SIPA1L1: variants seen among roughly 807,000 people sequenced by gnomAD.
SIPA1L1 encodes the protein signal induced proliferation associated 1 like 1, also known as signal-induced proliferation-associated 1-like protein 1.
SIPA1L1 carries 26 observed loss-of-function variants against 162.7 expected under a neutral mutation model. The observed-to-expected ratio is 0.16, with a 90% CI of 0.12 to 0.22. The LOEUF is 0.22. Among genes scored for constraint, SIPA1L1 ranks in the 10% least tolerant of loss-of-function variants. The probability of loss-of-function intolerance (pLI) is 1.00; values close to 1 mark genes in which losing one functional copy is unlikely to be tolerated. For missense variants in SIPA1L1, 1,874 were observed against 2,241.0 expected (o/e 0.84, Z 3.31); for synonymous variants, 829 against 837.4 (o/e 0.99, Z 0.17).
At chr14:71,544,834 C>T (rs1366299228) in intron 4 of SIPA1L1, among the ~76,000 whole-genome samples, 3 of 152,166 alleles carry the variant, frequency 2.0e-5, no homozygotes, top group African/African-American at 7.2e-5. Context: ...GTCTTGAATA[C>T]TGTAGCTTTA....
chr14:71,347,374 C>T lies in SIPA1L1; in HGVS notation c.-465+26193C>T, dbSNP rs80153533. Among the ~76,000 whole-genome samples, 760 of 152,168 alleles carry T rather than the reference C, an allele frequency of 5.0e-3. 5 individuals carry two copies. Among genetic ancestry groups the T allele is most frequent in the African/African-American group, 0.018 (737 of 41,500 alleles). ...GTCAAGTAATATTCTATTCTAATAA[C>T]ATTTTGTTTTTTTCTGTTCATCAGT... On this transcript the variant is annotated intron_variant, in intron 2 of 23. Transcript: ENST00000381232.
intron 7 of SIPA1L1, among the ~76,000 whole-genome samples, chr14:71,636,916 T>C (rs1343507274): frequency 6.6e-6 from 1 of 151,846 alleles, no homozygotes; most frequent in East Asian, 1.9e-4. Flanking sequence ...CCGGGCATGG[T>C]GGTGCATGCC....
chr14:71,554,021 G>T (rs763877165), intron 4 of SIPA1L1, among the ~76,000 whole-genome samples: 13 of 152,144 alleles, frequency 8.5e-5, no homozygotes, highest in Non-Finnish European at 1.8e-4. Context: ...CCTTTCAAAT[G>T]TAGCAAGAAT....
At chr14:71,738,362 T>G in intron 23 of SIPA1L1, 37 bp downstream of exon 23, 2 of 1,406,990 alleles carry the variant, frequency 1.4e-6, no homozygotes, top group Non-Finnish European at 2.0e-6. Flanking sequence ...GTCCAGTCTG[T>G]ACAAACTACC....
intron 5 of SIPA1L1, among the ~76,000 whole-genome samples, chr14:71,607,151 C>A (rs1360552465): frequency 1.3e-5 from 2 of 151,776 alleles, no homozygotes; most frequent in East Asian, 3.9e-4. Context: ...TGGAACAAAG[C>A]TTCTCCGAGT....
chr14:71,360,077 C>T (rs567760112), intron 2 of SIPA1L1, among the ~76,000 whole-genome samples: 11 of 152,074 alleles, frequency 7.2e-5, no homozygotes, highest in Non-Finnish European at 1.3e-4. Flanking sequence ...AACAGTGCTT[C>T]GGGGTCATCT....
chr14:71,672,109 G>A (rs1321246707), intron 11 of SIPA1L1, among the ~76,000 whole-genome samples: 1 of 152,130 alleles, frequency 6.6e-6, no homozygotes, highest in Admixed American at 6.5e-5. Context: ...GCTCCCTGTA[G>A]GTCTCTGGTA....
chr14:71,579,032 A>C (rs989138936), intron 4 of SIPA1L1, among the ~76,000 whole-genome samples: 1 of 152,228 alleles, frequency 6.6e-6, no homozygotes, highest in East Asian at 1.9e-4. Flanking sequence ...TAGCAGCAGG[A>C]TATGGCTATG....
intron 2 of SIPA1L1, among the ~76,000 whole-genome samples, chr14:71,417,469 C>CAAAAAAAAAAAAAAAAAAAAAAAAAAAAA (rs58628136): frequency 1.1e-4 from 2 of 17,768 alleles, no homozygotes; most frequent in Non-Finnish European, 1.0e-4. Flanking sequence ...GACTCCGTCT[C>CAAAAAAAAAAAAAAAAAAAAAAAAAAAAA]AAAAAAAAAA....
chr14:71,561,669 A>G (rs1596130101), intron 4 of SIPA1L1, among the ~76,000 whole-genome samples: 1 of 151,992 alleles, frequency 6.6e-6, no homozygotes, highest in African/African-American at 2.4e-5. Context: ...CTCACTGCAA[A>G]CTCCTCCTCC....
At chr14:71,327,485 A>G (rs1486449561) in intron 2 of SIPA1L1, among the ~76,000 whole-genome samples, 1 of 152,200 alleles carries the variant, frequency 6.6e-6, no homozygotes, top group African/African-American at 2.4e-5. Context: ...GTGGTATCCC[A>G]TGTCTTCAGG....
At chr14:71,371,530 G>A (rs920674646) in intron 2 of SIPA1L1, among the ~76,000 whole-genome samples, 2 of 151,982 alleles carry the variant, frequency 1.3e-5, no homozygotes, top group African/African-American at 4.8e-5. Flanking sequence ...TGGGACTACA[G>A]GCATGTATCA....
chr14:71,438,172 G>A (rs1214799059), intron 2 of SIPA1L1, among the ~76,000 whole-genome samples: 3 of 151,918 alleles, frequency 2.0e-5, no homozygotes, highest in Admixed American at 2.0e-4. Flanking sequence ...AACAAAACTC[G>A]TCACCATAGT....
intron 7 of SIPA1L1, among the ~76,000 whole-genome samples, chr14:71,647,790 T>C (rs961571920): frequency 2.0e-5 from 3 of 152,192 alleles, no homozygotes; most frequent in African/African-American, 7.2e-5. Context: ...ATGAAACCTT[T>C]ACCTGTGGGA....
chr14:71,499,380 A>G (rs1276762472), intron 2 of SIPA1L1, among the ~76,000 whole-genome samples: 1 of 152,070 alleles, frequency 6.6e-6, no homozygotes, highest in Non-Finnish European at 1.5e-5. Flanking sequence ...GAGAAAAGGA[A>G]ACTCTTCCTA....
chr14:71,522,689 C>T (rs1218922878), intron 3 of SIPA1L1, among the ~76,000 whole-genome samples: 1 of 151,268 alleles, frequency 6.6e-6, no homozygotes, highest in Admixed American at 6.6e-5. Context: ...TTCTTAATTT[C>T]TCTCTCTCTT....
chr14:71,344,582 T>G (rs2035968979), intron 2 of SIPA1L1, among the ~76,000 whole-genome samples: 1 of 152,078 alleles, frequency 6.6e-6, no homozygotes, highest in Non-Finnish European at 1.5e-5. Context: ...TCGAGAGAGA[T>G]GGGGTCTCAG....
intron 21 of SIPA1L1, among the ~76,000 whole-genome samples, chr14:71,734,576 C>A (rs918194517): frequency 2.6e-5 from 4 of 151,940 alleles, no homozygotes; most frequent in African/African-American, 9.7e-5. Flanking sequence ...GCTATTTAGT[C>A]AAGTTTTAAT....
chr14:71,544,201 G>C (rs937837472), intron 4 of SIPA1L1, among the ~76,000 whole-genome samples: 1 of 144,882 alleles, frequency 6.9e-6, no homozygotes, highest in African/African-American at 2.5e-5. Flanking sequence ...ACATATGCAT[G>C]TATGCACATG....
Sources: allele counts gnomAD v4.1 joint callset (sites outside exome capture counted in the v4.1 genomes callset), GRCh38; gene constraint gnomAD v4.1.1; transcripts MANE v1.5; gene names NCBI Gene and HGNC (gene_info 2026-07-23, HGNC 2026-07-21).